DGCR8: variants seen among roughly 807,000 people sequenced by gnomAD.
DGCR8 encodes DGCR8 microprocessor complex subunit.
In DGCR8, 14 loss-of-function variants were observed where a neutral mutation model predicts 78.5. That is an observed-to-expected ratio of 0.18 (90% CI 0.12 to 0.28). The LOEUF is 0.28. Among genes scored for constraint, DGCR8 ranks in the 10% least tolerant of loss-of-function variants. The pLI is 1.00. For synonymous variants in DGCR8, 399 were observed against 402.4 expected, an observed-to-expected ratio of 0.99 and a Z score of 0.10; for missense variants, 702 against 1,022.5, an observed-to-expected ratio of 0.69 and a Z score of 4.28.
At chr22:20,101,249 C>T in intron 9 of DGCR8, 1 of 985,398 alleles carries the variant, frequency 1.0e-6, no homozygotes, top group Non-Finnish European at 1.2e-6. Context: ...ATGTGCCCCT[C>T]CTGAGAAGCT....
Position 20,085,115 on chromosome 22 carries a change from C to A in DGCR8, c.-277-572C>A. ...TGCCACCTCTGGTGACCTCAGCACG[C>A]TGCATCACTGTCCCCGTCCACGTGC... is the stretch of plus-strand genomic sequence containing the variant. On this transcript the variant is annotated intron_variant, in intron 1 of 13. Transcript: ENST00000351989. This position sits in a 1 kb window ranked among gnomAD's most constrained non-coding sequence, Gnocchi z 6.2. The A allele has an allele frequency of 2.4e-6, 2 of 849,864 alleles. No individual in the cohort carries two copies. The highest frequency in any genetic ancestry group is 2.8e-6 in the Non-Finnish European group (2 of 705,904). The allele number at this position is 849,864 out of a possible 1,614,324, so 52.6% of individuals were successfully genotyped here.
chr22:20,106,407 T>C, intron 10 of DGCR8, 130 bp downstream of exon 10: 1 of 866,768 alleles, frequency 1.2e-6, no homozygotes, highest in South Asian at 1.5e-5. Flanking sequence ...AGCAGCCCCT[T>C]GGCCCTGGCC....
intron 1 of DGCR8, chr22:20,084,982 C>G: frequency 1.0e-6 from 1 of 985,424 alleles, no homozygotes; most frequent in African/African-American, 1.7e-5. Context: ...ACCCAGGCCT[C>G]TCTGTGCCTC....
intron 5 of DGCR8, among the ~76,000 whole-genome samples, chr22:20,090,935 TG>T (rs1408138456): frequency 2.6e-5 from 4 of 152,202 alleles, no homozygotes; most frequent in African/African-American, 9.6e-5. Context: ...GAGCCTGTGA[TG>T]GGGGCTGTTG....
At chr22:20,095,210 AT>A in intron 9 of DGCR8, among the ~76,000 whole-genome samples, 1 of 152,130 alleles carries the variant, frequency 6.6e-6, no homozygotes, top group South Asian at 2.1e-4. Flanking sequence ...GATTCAAGTG[AT>A]TCTCCCACCT....
In DGCR8 at chr22:20,111,375, TTTTC is replaced by T. The variant is rs1345202070; in HGVS notation, c.*1269_*1272del. 4.3e-5 allele frequency: 17 copies of T among 398,122 alleles called. 1 individual carries two copies. The highest frequency in any genetic ancestry group is 8.2e-5 in the African/African-American group (4 of 48,538). 24.7% of individuals were successfully genotyped at this position (398,122 alleles called of 1,614,324 possible). ...CGGTACTGATGGCGCTTTTTTTTTT[TTTTC>T]TGTCAGGAAAACAATGTTGGCCTGT... On this transcript the variant is annotated 3_prime_UTR_variant, in exon 14 of 14. Transcript: ENST00000351989.
At chr22:20,084,616 G>A (rs986183782) in intron 1 of DGCR8, among the ~76,000 whole-genome samples, 8 of 152,128 alleles carry the variant, frequency 5.3e-5, no homozygotes, top group African/African-American at 1.7e-4. Context: ...TTGTGGCCTC[G>A]GCACCTTCAG....
chr22:20,087,379 C>A lies in DGCR8; in HGVS notation c.880+58C>A. The stretch of plus-strand genomic sequence containing the variant: ...CAGGGCAGTGGAGGGGTGGTTGCTT[C>A]CTTAGCAGAAATGCTTTGAGAGAGC... On this transcript the variant is annotated intron_variant, in intron 3 of 13. Coordinates refer to ENST00000351989, the MANE Select transcript of DGCR8 (RefSeq NM_022720.7). This position sits in a 1 kb window ranked among gnomAD's most constrained non-coding sequence, Gnocchi z 4.1. 1 of 1,528,136 alleles carries A rather than the reference C, an allele frequency of 6.5e-7. No individual in the cohort carries two copies. The highest frequency in any genetic ancestry group is 8.8e-7 in the Non-Finnish European group (1 of 1,132,056). The allele number at this position is 1,528,136 out of a possible 1,614,324, so 94.7% of individuals were successfully genotyped here.
chr22:20,086,236 T>C lies in DGCR8; in HGVS notation c.273T>C (p.Cys91=). The C allele has an allele frequency of 6.2e-7, 1 of 1,614,062 alleles. No homozygotes were observed. The highest frequency in any genetic ancestry group is 8.5e-7 in the Non-Finnish European group (1 of 1,180,014). ...GCCGCCTCCTCATAGACCCGAACTG[T>C]AGTGGCCACAGCCCGCGCACCGCCC... ...SKGRLLIDPN[C]SGHSPRTARH... Residue 91 remains cysteine (C), a synonymous_variant, in exon 2 of 14, where the codon TGT becomes TGC. Coordinates refer to ENST00000351989, the MANE Select transcript of DGCR8 (RefSeq NM_022720.7). The surrounding 1 kb of genome is among the most constrained non-coding windows in gnomAD (Gnocchi z 6.4).
chr22:20,107,531 T>G (rs2049785120), intron 12 of DGCR8, 133 bp downstream of exon 12: 2 of 1,084,362 alleles, frequency 1.8e-6, no homozygotes, highest in Admixed American at 4.2e-5. Flanking sequence ...CCTGGGCCAC[T>G]TGTGTGGCTT....
chr22:20,091,529 C>T lies in DGCR8; in HGVS notation c.1401C>T (p.Phe467=), dbSNP rs1438330662. The change falls in exon 6 of 14, where the codon TTC becomes TTT. Residue 467 remains phenylalanine (F), a synonymous_variant. Transcript: ENST00000351989. The part of the protein sequence containing the change: ...KFRTWAERRQ[F]NREMKRKQAE... ...GGACTTGGGCTGAGCGGCGGCAATT[C>T]AATCGGGAAATGAAGCGGAAGCAGG... is the stretch of plus-strand genomic sequence containing the variant. 1 of 1,614,096 alleles carries T rather than the reference C, an allele frequency of 6.2e-7. No individual in the cohort carries two copies. Among genetic ancestry groups the T allele is most frequent in the Non-Finnish European group, 8.5e-7 (1 of 1,180,044 alleles).
At position 20,107,357 on chromosome 22, in the gene DGCR8, C is replaced by T. The variant is rs745807695; in HGVS notation, c.2083C>T (p.Leu695=). 3 of 1,614,214 alleles carry T rather than the reference C, an allele frequency of 1.9e-6. No individual in the cohort carries two copies. The highest frequency in any genetic ancestry group is 1.1e-5 in the South Asian group (1 of 91,090). ...ACATGTCAAGAACTGGGGGTCTTTACTGCGCATGTATGGCCGTGAGAGCAG... is the reference window on the plus strand; with the variant it reads ...ACATGTCAAGAACTGGGGGTCTTTATTGCGCATGTATGGCCGTGAGAGCAG... ...HPHVKNWGSL[L]RMYGRESSKM... is the part of the protein sequence containing the mutation. The change falls in exon 12 of 14, where the codon CTG becomes TTG. Residue 695 remains leucine, a synonymous_variant. Coordinates refer to ENST00000351989, the MANE Select transcript of DGCR8 (RefSeq NM_022720.7).
At chr22:20,091,658 A>G (rs780519769) in intron 6 of DGCR8, 26 bp downstream of exon 6, 11 of 1,609,572 alleles carry the variant, frequency 6.8e-6, no homozygotes, top group Non-Finnish European at 9.4e-6. Flanking sequence ...TTTTAACATC[A>G]GCAGACTGGT....
chr22:20,080,298 T>C lies in DGCR8; in HGVS notation c.-363T>C, dbSNP rs1411128436. 3 of 980,836 alleles carry C rather than the reference T, an allele frequency of 3.1e-6. No homozygotes were observed. Among genetic ancestry groups the C allele is most frequent in the Non-Finnish European group, 3.6e-6 (3 of 828,168 alleles). The allele number at this position is 980,836 out of a possible 1,614,324, so 60.8% of individuals were successfully genotyped here. ...GCGACCGGAGAGCCTGGACAGGCTT[T>C]CCAGATGGCTGCGGCGGTCGGTCGG... On this transcript the variant is annotated 5_prime_UTR_variant, in exon 1 of 14. Transcript: ENST00000351989.
chr22:20,096,332 T>G (rs899243186), intron 9 of DGCR8: 3 of 349,476 alleles, frequency 8.6e-6, no homozygotes, highest in Admixed American at 6.4e-5. Context: ...TTGGCCTTGG[T>G]ATCTCAGGGG....
At chr22:20,108,552 C>A in intron 12 of DGCR8, 1 of 270,980 alleles carries the variant, frequency 3.7e-6, no homozygotes, top group Non-Finnish European at 7.4e-6. Flanking sequence ...TGGCTATGGC[C>A]ACACTCTGGT....
intron 9 of DGCR8, among the ~76,000 whole-genome samples, chr22:20,102,376 C>T (rs760734509): frequency 1.3e-5 from 2 of 152,132 alleles, no homozygotes; most frequent in Non-Finnish European, 2.9e-5. Flanking sequence ...ACGCATCCGT[C>T]GTGTGGTCAT....
At position 20,089,737 on chromosome 22, in the gene DGCR8, C is replaced by G. The variant is rs2049529924; in HGVS notation, c.949C>G (p.Pro317Ala). The G allele has an allele frequency of 6.2e-7, 1 of 1,613,932 alleles. No individual in the cohort carries two copies. The highest frequency in any genetic ancestry group is 8.5e-7 in the Non-Finnish European group (1 of 1,179,994). The change falls in exon 4 of 14, where the codon CCG becomes GCG. Residue 317 changes from proline to alanine, a missense_variant. Physicochemically the swap from Pro to Ala is conservative, Grantham distance 27. Around this residue, in one of 4 missense-constraint regions of DGCR8, gnomAD observed 356 missense variants for 448.9 expected, o/e 0.79. Transcript: ENST00000351989. The surrounding 1 kb of genome is among the most constrained non-coding windows in gnomAD (Gnocchi z 4.9). The part of the protein sequence containing the change: ...WIMTFHNSGV[P>A]VYLHRESRVV... ...CATGACATTCCATAACTCTGGAGTC[C>G]CGGTGTACCTACACAGAGAGTCTCG... is the stretch of plus-strand genomic sequence containing the variant.
chr22:20,099,088 G>T (rs892643346), intron 9 of DGCR8, among the ~76,000 whole-genome samples: 1 of 152,172 alleles, frequency 6.6e-6, no homozygotes, highest in Admixed American at 6.5e-5. Context: ...CCTGTGATGA[G>T]AGCTGTGGGT....
Sources: allele counts gnomAD v4.1 joint callset (sites outside exome capture counted in the v4.1 genomes callset), GRCh38; gene constraint gnomAD v4.1.1; regional missense constraint gnomAD v4.1.1; non-coding constraint Gnocchi (gnomAD v3.1); transcripts MANE v1.5; gene names NCBI Gene and HGNC (gene_info 2026-07-23, HGNC 2026-07-21).